The following SGCZ variants were observed in gnomAD, a reference collection of about 807,000 sequenced individuals.
SGCZ encodes sarcoglycan zeta, also known as zeta-sarcoglycan.
Under a neutral mutation model 41.3 loss-of-function variants are expected in SGCZ, and 40 were observed. The observed-to-expected ratio is 0.97, with a 90% CI of 0.75 to 1.26. SGCZ has a LOEUF of 1.26. Among genes scored for constraint, SGCZ ranks in the 50% most tolerant of loss-of-function variants. The probability of loss-of-function intolerance (pLI) is 0.00; values close to 1 mark genes in which losing one functional copy is unlikely to be tolerated. For synonymous variants in SGCZ, 206 were observed against 137.5 expected (o/e 1.50, Z -3.49); for missense variants, 552 against 369.8 (o/e 1.49, Z -4.04).
chr8:14,895,286 T>G (rs1014183443), intron 1 of SGCZ, among the ~76,000 whole-genome samples: 5 of 152,118 alleles, frequency 3.3e-5, no homozygotes, highest in African/African-American at 1.2e-4. Flanking sequence ...ATTCTTCTGA[T>G]TGTTAGTGTA....
At chr8:14,160,102 C>T (rs1239586432) in intron 5 of SGCZ, among the ~76,000 whole-genome samples, 1 of 152,022 alleles carries the variant, frequency 6.6e-6, no homozygotes, top group African/African-American at 2.4e-5. Flanking sequence ...GTTTTAATTG[C>T]TACTGTCTAA....
chr8:14,165,395 C>T (rs1047134386), intron 4 of SGCZ: 1 of 152,052 alleles, frequency 6.6e-6, no homozygotes, highest in African/African-American at 2.4e-5. Flanking sequence ...GATCTATACA[C>T]AAAACTCAAA....
At chr8:14,913,738 T>A (rs1391214388) in intron 1 of SGCZ, among the ~76,000 whole-genome samples, 1 of 152,012 alleles carries the variant, frequency 6.6e-6, no homozygotes, top group Admixed American at 6.6e-5. Flanking sequence ...TAAAAATTTA[T>A]ATAAAAACAG....
chr8:14,205,330 A>G (rs1805584250), intron 4 of SGCZ, among the ~76,000 whole-genome samples: 1 of 152,180 alleles, frequency 6.6e-6, no homozygotes, highest in South Asian at 2.1e-4. Context: ...GTATTGTCAA[A>G]TCTTCAGAAA....
At chr8:14,096,561 T>C (rs1351983003) in intron 7 of SGCZ, among the ~76,000 whole-genome samples, 1 of 152,158 alleles carries the variant, frequency 6.6e-6, no homozygotes, top group African/African-American at 2.4e-5. Context: ...TGGCCTAAAA[T>C]TTTCTTTTTT....
At chr8:14,539,811 C>T (rs554950693) in intron 2 of SGCZ, among the ~76,000 whole-genome samples, 10 of 152,018 alleles carry the variant, frequency 6.6e-5, no homozygotes, top group African/African-American at 2.2e-4. Context: ...GTTTTCCATT[C>T]CTGTTAGTTT....
At chr8:14,886,989 G>A (rs985209693) in intron 1 of SGCZ, among the ~76,000 whole-genome samples, 2 of 152,070 alleles carry the variant, frequency 1.3e-5, no homozygotes, top group African/African-American at 2.4e-5. Context: ...AGAGGTCAAC[G>A]ATGACGTCAG....
intron 7 of SGCZ, among the ~76,000 whole-genome samples, chr8:14,091,545 T>C (rs1801689785): frequency 6.6e-6 from 1 of 152,178 alleles, no homozygotes; most frequent in African/African-American, 2.4e-5. Context: ...TATCCCATTG[T>C]GGATTTGATA....
intron 3 of SGCZ, among the ~76,000 whole-genome samples, chr8:14,282,307 C>T (rs1800474223): frequency 6.6e-6 from 1 of 152,112 alleles, no homozygotes; most frequent in African/African-American, 2.4e-5. Context: ...GATATCTTCA[C>T]TCCACACTCA....
chr8:14,234,522 T>C (rs942469349), intron 4 of SGCZ, among the ~76,000 whole-genome samples: 1 of 152,088 alleles, frequency 6.6e-6, no homozygotes, highest in Admixed American at 6.6e-5. Context: ...TGCATTCTAT[T>C]GGTAGACAAT....
intron 2 of SGCZ, among the ~76,000 whole-genome samples, chr8:14,338,626 T>C (rs1563266011): frequency 1.3e-5 from 2 of 152,224 alleles, no homozygotes; most frequent in South Asian, 2.1e-4. Flanking sequence ...ATAAAATGCC[T>C]AATACTTTTT....
chr8:14,654,130 C>G (rs1240703407), intron 1 of SGCZ, among the ~76,000 whole-genome samples: 1 of 151,636 alleles, frequency 6.6e-6, no homozygotes, highest in Non-Finnish European at 1.5e-5. Context: ...TACACACACA[C>G]ACAGAGTAGT....
chr8:14,968,733 G>C (rs1801198037), intron 1 of SGCZ, among the ~76,000 whole-genome samples: 1 of 152,088 alleles, frequency 6.6e-6, no homozygotes, highest in Non-Finnish European at 1.5e-5. Flanking sequence ...AAGGCTAAAA[G>C]AAAATAACTT....
At chr8:14,165,467 A>G (rs1191270950) in intron 4 of SGCZ, 1 of 152,156 alleles carries the variant, frequency 6.6e-6, no homozygotes, top group African/African-American at 2.4e-5. Flanking sequence ...AAGAAAATCT[A>G]ACTGGGCCTT....
chr8:14,501,058 T>TG (rs1187412905), intron 2 of SGCZ, among the ~76,000 whole-genome samples: 2 of 152,042 alleles, frequency 1.3e-5, no homozygotes, highest in Non-Finnish European at 2.9e-5. Context: ...TGGGTCAAAA[T>TG]CAAGCTGTTA....
rs571173700 is a variant in SGCZ at position 15,051,006 on chromosome 8, A to G, written c.39+186579T>C. ...AAGTCAAGAAACATCACATATTTGTAGAACAATAATCACTGAAATTCAGTT... is the reference window on the plus strand; with the variant it reads ...AAGTCAAGAAACATCACATATTTGTGGAACAATAATCACTGAAATTCAGTT... On this transcript the variant is annotated intron_variant, in intron 1 of 7. Transcript: ENST00000382080. 1.1e-3 allele frequency among the ~76,000 whole-genome samples: 165 copies of G among 152,312 alleles called. 1 individual carries two copies. Among genetic ancestry groups the G allele is most frequent in the African/African-American group, 3.9e-3 (161 of 41,580 alleles).
chr8:14,380,470 C>G (rs1804319418), intron 2 of SGCZ, among the ~76,000 whole-genome samples: 1 of 152,136 alleles, frequency 6.6e-6, no homozygotes, highest in Non-Finnish European at 1.5e-5. Flanking sequence ...AGTGACTGTT[C>G]TAAATTCAAT....
At chr8:15,015,088 CA>C (rs1322273928) in intron 1 of SGCZ, among the ~76,000 whole-genome samples, 1 of 151,908 alleles carries the variant, frequency 6.6e-6, no homozygotes, top group Non-Finnish European at 1.5e-5. Flanking sequence ...CTAAAAAATG[CA>C]AAAATTACCT....
intron 1 of SGCZ, among the ~76,000 whole-genome samples, chr8:15,181,520 G>A (rs1354030915): frequency 6.6e-6 from 1 of 152,126 alleles, no homozygotes; most frequent in Non-Finnish European, 1.5e-5. Flanking sequence ...AATTTGTTCT[G>A]TGTGATGATA....
Sources: allele counts gnomAD v4.1 joint callset (sites outside exome capture counted in the v4.1 genomes callset), GRCh38; gene constraint gnomAD v4.1.1; transcripts MANE v1.5; gene names NCBI Gene and HGNC (gene_info 2026-07-23, HGNC 2026-07-21).